The following SORCS2 variants were observed in gnomAD, a reference collection of about 807,000 sequenced individuals.
The protein encoded by SORCS2 is VPS10 domain-containing receptor SorCS2.
A neutral mutation model predicts 141.6 loss-of-function variants in SORCS2; 100 were observed. That is an observed-to-expected ratio of 0.71 (90% CI 0.60 to 0.83). SORCS2 has a LOEUF of 0.83. Ranked by LOEUF, SORCS2 falls within the 40% of genes least tolerant of loss-of-function variation. The pLI is 0.00. For missense variants in SORCS2, 1,646 were observed against 1,560.2 expected, an observed-to-expected ratio of 1.05 and a Z score of -0.93; for synonymous variants, 789 against 676.9, an observed-to-expected ratio of 1.17 and a Z score of -2.57.
At chr4:7,641,939 G>A (rs1438757378) in intron 4 of SORCS2, among the ~76,000 whole-genome samples, 3 of 150,536 alleles carry the variant, frequency 2.0e-5, no homozygotes, top group Non-Finnish European at 4.4e-5. Flanking sequence ...GATAGATGAT[G>A]GATGGATGAA....
chr4:7,550,288 G>C (rs1291305993), intron 3 of SORCS2, among the ~76,000 whole-genome samples: 1 of 151,470 alleles, frequency 6.6e-6, no homozygotes, highest in Non-Finnish European at 1.5e-5. Context: ...TGCCCAGCAA[G>C]GCACTGGGGG....
intron 2 of SORCS2, among the ~76,000 whole-genome samples, chr4:7,403,539 G>A (rs527900380): frequency 6.6e-6 from 1 of 152,026 alleles, no homozygotes; most frequent in Admixed American, 6.5e-5. Context: ...GTAATTTAAG[G>A]TATTTCAAGT....
At position 7,244,056 on chromosome 4, in the gene SORCS2, A is replaced by T. The variant is rs115334537; in HGVS notation, c.480+50930A>T. Among the ~76,000 whole-genome samples the T allele has an allele frequency of 2.2e-3, 335 of 152,100 alleles. 1 individual carries two copies. The highest frequency in any genetic ancestry group is 7.8e-3 in the African/African-American group (323 of 41,492). On this transcript the variant is annotated intron_variant, in intron 1 of 26. Transcript: ENST00000507866. ...GAGTCACCTCTGTCTCTTTGCCCCT[A>T]TTTGTCGTTGACTCACTGCAGCCTT...
chr4:7,628,176 C>G (rs923009213), intron 3 of SORCS2, among the ~76,000 whole-genome samples: 27 of 152,328 alleles, frequency 1.8e-4, no homozygotes, highest in African/African-American at 6.5e-4. Flanking sequence ...GCTGAGACAT[C>G]AGCACACAGA....
intron 2 of SORCS2, among the ~76,000 whole-genome samples, chr4:7,403,572 A>C (rs1724731327): frequency 1.3e-5 from 2 of 152,090 alleles, no homozygotes; most frequent in African/African-American, 4.8e-5. Flanking sequence ...CAGAGAATAC[A>C]TATGGTGTGG....
At chr4:7,262,883 T>TTCCCACAGC (rs1293384360) in intron 1 of SORCS2, among the ~76,000 whole-genome samples, 1 of 152,158 alleles carries the variant, frequency 6.6e-6, no homozygotes, top group Non-Finnish European at 1.5e-5. Flanking sequence ...GCCCAGACAT[T>TTCCCACAGC]CTTGGGAAAA....
intron 1 of SORCS2, among the ~76,000 whole-genome samples, chr4:7,354,084 C>T (rs1024414728): frequency 1.3e-5 from 2 of 152,298 alleles, no homozygotes; most frequent in East Asian, 1.9e-4. Flanking sequence ...TGCCATGTTG[C>T]GAGCATGAGT....
At chr4:7,456,779 G>C (rs1374153448) in intron 2 of SORCS2, among the ~76,000 whole-genome samples, 1 of 152,140 alleles carries the variant, frequency 6.6e-6, no homozygotes, top group African/African-American at 2.4e-5. Flanking sequence ...GGCAGGGGTA[G>C]GGGGGTGGAG....
intron 1 of SORCS2, among the ~76,000 whole-genome samples, chr4:7,331,827 G>T (rs1043923600): frequency 6.6e-6 from 1 of 152,188 alleles, no homozygotes; most frequent in Non-Finnish European, 1.5e-5. Flanking sequence ...CCTGCTGGGA[G>T]GATGGCAGGC....
chr4:7,301,590 G>T (rs940999756), intron 1 of SORCS2, among the ~76,000 whole-genome samples: 2 of 152,248 alleles, frequency 1.3e-5, no homozygotes, highest in Admixed American at 1.3e-4. Flanking sequence ...TCCCCACGGG[G>T]CAGAGGCCTA....
At chr4:7,636,993 C>T (rs557668298) in intron 3 of SORCS2, among the ~76,000 whole-genome samples, 155 of 152,162 alleles carry the variant, frequency 1.0e-3, no homozygotes, top group African/African-American at 3.6e-3. Context: ...GCAGATGTGT[C>T]CCCTGTCTCT....
At chr4:7,695,077 G>A (rs556014079) in intron 11 of SORCS2, among the ~76,000 whole-genome samples, 2 of 151,758 alleles carry the variant, frequency 1.3e-5, no homozygotes, top group Non-Finnish European at 2.9e-5. Context: ...CCAGAGCTCA[G>A]CACAGGGCTG....
At chr4:7,411,310 C>A in intron 2 of SORCS2, among the ~76,000 whole-genome samples, 1 of 151,886 alleles carries the variant, frequency 6.6e-6, no homozygotes, top group East Asian at 1.9e-4. Context: ...GCTCCAGGGA[C>A]CCCTCTGTCA....
intron 2 of SORCS2, among the ~76,000 whole-genome samples, chr4:7,459,104 G>A (rs993459427): frequency 6.6e-6 from 1 of 152,156 alleles, no homozygotes. Context: ...TTCTGTGTGC[G>A]CAAAGGTGTG....
intron 2 of SORCS2, among the ~76,000 whole-genome samples, chr4:7,518,526 A>G (rs1733126008): frequency 6.6e-6 from 1 of 152,158 alleles, no homozygotes; most frequent in Non-Finnish European, 1.5e-5. Flanking sequence ...TCTTTGCCTC[A>G]TTCTATTTGG....
At chr4:7,424,835 C>T (rs10005689) in intron 2 of SORCS2, among the ~76,000 whole-genome samples, 68,244 of 152,064 alleles carry the variant, frequency 0.45, 15,748 homozygotes, top group African/African-American at 0.56. Context: ...CCAGTGAGTG[C>T]GTGTTGGGGC....
intron 3 of SORCS2, among the ~76,000 whole-genome samples, chr4:7,620,407 G>C (rs1386934354): frequency 6.6e-6 from 1 of 152,186 alleles, no homozygotes; most frequent in South Asian, 2.1e-4. Flanking sequence ...CCCACGCTGT[G>C]GAGTCCCACC....
At chr4:7,546,395 T>C (rs71601862) in intron 3 of SORCS2, among the ~76,000 whole-genome samples, 22,013 of 152,080 alleles carry the variant, frequency 0.14, 1,627 homozygotes, top group African/African-American at 0.16. Context: ...GTGGGAGGGC[T>C]CTCTCCTCTT....
rs148813223 is a variant in SORCS2 at position 7,740,867 on chromosome 4, C to T, written c.*603C>T. 3 of 394,554 alleles carry T rather than the reference C, an allele frequency of 7.6e-6. No individual in the cohort carries two copies. In the Admixed American group the frequency reaches 1.3e-4, roughly 17 times the overall value. The allele number at this position is 394,554 out of a possible 1,614,324, so 24.4% of individuals were successfully genotyped here. On this transcript the variant is annotated 3_prime_UTR_variant, in exon 27 of 27. Transcript: ENST00000507866. ...CTGGCGGTGGTGGGGGTGTCTCACTCTCTGTCTTTATAGCCGGCGGTAGCC... is the reference window on the plus strand; with the variant it reads ...CTGGCGGTGGTGGGGGTGTCTCACTTTCTGTCTTTATAGCCGGCGGTAGCC...
Sources: allele counts gnomAD v4.1 joint callset (sites outside exome capture counted in the v4.1 genomes callset), GRCh38; gene constraint gnomAD v4.1.1; transcripts MANE v1.5; gene names NCBI Gene and HGNC (gene_info 2026-07-23, HGNC 2026-07-21).